Variants in OPCML observed in about 807,000 individuals in gnomAD.
OPCML encodes the protein opioid binding protein/cell adhesion molecule like, also known as opioid-binding protein/cell adhesion molecule.
Under a neutral mutation model 37.8 loss-of-function variants are expected in OPCML, and 13 were observed. The observed-to-expected ratio is 0.34, with a 90% CI of 0.22 to 0.55. The LOEUF is 0.55. Among genes scored for constraint, OPCML ranks in the 20% least tolerant of loss-of-function variants. The probability of loss-of-function intolerance (pLI) is 0.91; values close to 1 mark genes in which losing one functional copy is unlikely to be tolerated. For synonymous variants in OPCML, 176 were observed against 168.8 expected (o/e 1.04, Z -0.33); for missense variants, 341 against 435.6 (o/e 0.78, Z 1.93).
intron 3 of OPCML, among the ~76,000 whole-genome samples, chr11:132,617,619 G>A (rs1939120809): frequency 1.3e-5 from 2 of 152,222 alleles, no homozygotes; most frequent in South Asian, 2.1e-4. Flanking sequence ...CAGGCTGAGT[G>A]CCTTGAACAA....
At chr11:132,745,576 AAAAAAAAGAAAGAAAG>A (rs1322553988) in intron 2 of OPCML, among the ~76,000 whole-genome samples, 7 of 145,890 alleles carry the variant, frequency 4.8e-5, no homozygotes. Context: ...AAAAAAAAAA[AAAAAAAAGAAAGAAAG>A]AAAGAAAGAA....
At chr11:132,790,238 G>A (rs774306612) in intron 2 of OPCML, among the ~76,000 whole-genome samples, 34 of 152,130 alleles carry the variant, frequency 2.2e-4, no homozygotes, top group Non-Finnish European at 3.7e-4. Flanking sequence ...ATAGAGAGAG[G>A]CTGATTAATG....
At chr11:133,499,582 T>C (rs1565669484) in intron 1 of OPCML, among the ~76,000 whole-genome samples, 1 of 151,990 alleles carries the variant, frequency 6.6e-6, no homozygotes, top group East Asian at 2.0e-4. Flanking sequence ...GCACTCGTAG[T>C]TCATCTCTAC....
intron 1 of OPCML, among the ~76,000 whole-genome samples, chr11:133,152,796 C>G (rs1950005187): frequency 6.6e-6 from 1 of 152,060 alleles, no homozygotes; most frequent in Non-Finnish European, 1.5e-5. Context: ...TTCTTTACAG[C>G]CATCTAAGCC....
chr11:133,072,623 A>G (rs1049630804), intron 1 of OPCML, among the ~76,000 whole-genome samples: 5 of 152,176 alleles, frequency 3.3e-5, no homozygotes, highest in African/African-American at 1.2e-4. Context: ...GCACTTTTCC[A>G]TAATCACCAG....
intron 1 of OPCML, among the ~76,000 whole-genome samples, chr11:132,990,586 C>T (rs926871887): frequency 5.9e-5 from 9 of 152,268 alleles, no homozygotes; most frequent in Non-Finnish European, 7.4e-5. Context: ...ATGAGAATTG[C>T]GGTCACTGGC....
chr11:133,224,562 A>G (rs1212510577), intron 1 of OPCML, among the ~76,000 whole-genome samples: 1 of 152,180 alleles, frequency 6.6e-6, no homozygotes, highest in Non-Finnish European at 1.5e-5. Flanking sequence ...GCCTGCCCAG[A>G]TCCTGCCTGA....
chr11:132,639,838 G>A (rs993654160), intron 3 of OPCML, among the ~76,000 whole-genome samples: 2 of 152,194 alleles, frequency 1.3e-5, no homozygotes, highest in African/African-American at 2.4e-5. Flanking sequence ...GCAAGTCACA[G>A]CTAGAAAGCA....
intron 1 of OPCML, among the ~76,000 whole-genome samples, chr11:133,272,788 C>A (rs1339256061): frequency 6.6e-6 from 1 of 152,196 alleles, no homozygotes; most frequent in East Asian, 1.9e-4. Flanking sequence ...TGTTAAGGAA[C>A]ATCTCTTTGA....
chr11:133,084,357 A>G (rs182600702), intron 1 of OPCML, among the ~76,000 whole-genome samples: 87 of 152,296 alleles, frequency 5.7e-4, no homozygotes, highest in African/African-American at 2.1e-3. Flanking sequence ...TAAGAAGGCT[A>G]ATTAACATCC....
chr11:133,222,999 C>T (rs562063111), intron 1 of OPCML, among the ~76,000 whole-genome samples: 4 of 152,308 alleles, frequency 2.6e-5, no homozygotes, highest in Non-Finnish European at 4.4e-5. Context: ...ACATCTCCCA[C>T]CTCCTTAGAA....
intron 1 of OPCML, among the ~76,000 whole-genome samples, chr11:133,103,831 C>T (rs192636983): frequency 3.4e-4 from 52 of 152,316 alleles, no homozygotes; most frequent in Admixed American, 2.9e-3. Context: ...TGGGAAATGT[C>T]ACCTACACCC....
At chr11:133,078,603 G>C (rs78613227) in intron 1 of OPCML, among the ~76,000 whole-genome samples, 2,608 of 152,242 alleles carry the variant, frequency 0.017, 66 homozygotes, top group African/African-American at 0.059. Flanking sequence ...GACTCCTGCT[G>C]TCTAGGCCCT....
intron 4 of OPCML, among the ~76,000 whole-genome samples, chr11:132,464,930 T>C (rs2096114941): frequency 6.6e-6 from 1 of 152,226 alleles, no homozygotes; most frequent in African/African-American, 2.4e-5. Flanking sequence ...TAATGCTACA[T>C]CTTAATGTTA....
intron 1 of OPCML, among the ~76,000 whole-genome samples, chr11:133,406,822 C>T (rs1352251563): frequency 6.6e-6 from 1 of 152,172 alleles, no homozygotes. Context: ...CTGGAATGGA[C>T]TCAGGAGTGG....
At chr11:133,461,298 A>G (rs1236428659) in intron 1 of OPCML, among the ~76,000 whole-genome samples, 2 of 151,896 alleles carry the variant, frequency 1.3e-5, no homozygotes, top group Non-Finnish European at 2.9e-5. Flanking sequence ...TTGGTTGTCG[A>G]TGACACCATC....
chr11:132,738,594 C>T (rs750295730), intron 2 of OPCML, among the ~76,000 whole-genome samples: 14 of 152,168 alleles, frequency 9.2e-5, no homozygotes, highest in Non-Finnish European at 1.5e-4. Flanking sequence ...TGATGGACTG[C>T]TCAGTTTGGG....
At chr11:133,264,125 T>A (rs1263235219) in intron 1 of OPCML, among the ~76,000 whole-genome samples, 35 of 152,110 alleles carry the variant, frequency 2.3e-4, no homozygotes. Context: ...ACCATTTGAG[T>A]TGCTGAGAGT....
chr11:133,030,359 A>G (rs1947643968), intron 1 of OPCML, among the ~76,000 whole-genome samples: 1 of 152,172 alleles, frequency 6.6e-6, no homozygotes, highest in Non-Finnish European at 1.5e-5. Flanking sequence ...CAAGTACGAT[A>G]ATGGTAGATG....
Sources: gnomAD v4.1 joint callset for allele counts (sites outside exome capture counted in the v4.1 genomes callset) on GRCh38, gnomAD v4.1.1 for gene constraint, MANE v1.5 for transcripts, NCBI Gene and HGNC (gene_info 2026-07-23, HGNC 2026-07-21) for gene names.